PGM2: variants seen among roughly 807,000 people sequenced by gnomAD.
The protein encoded by PGM2 is phosphoglucomutase 2, also known as phosphopentomutase.
Under a neutral mutation model 74.6 loss-of-function variants are expected in PGM2, and 57 were observed. The observed-to-expected ratio is 0.76, with a 90% CI of 0.62 to 0.95. The LOEUF is 0.95. PGM2 is among the 40% of genes least tolerant of loss of function. The probability of loss-of-function intolerance (pLI) is 0.00; values close to 1 mark genes in which losing one functional copy is unlikely to be tolerated. For missense variants in PGM2, 706 were observed against 741.9 expected (o/e 0.95, Z 0.56); for synonymous variants, 273 against 260.7 (o/e 1.05, Z -0.46).
intron 8 of PGM2, among the ~76,000 whole-genome samples, chr4:37,846,180 T>G (rs1414774812): frequency 6.6e-6 from 1 of 152,062 alleles, no homozygotes; most frequent in Non-Finnish European, 1.5e-5. Flanking sequence ...CGGCACAGTG[T>G]TTAAGACAAG....
At chr4:37,855,094 AC>A (rs1726157822) in intron 12 of PGM2, among the ~76,000 whole-genome samples, 1 of 152,178 alleles carries the variant, frequency 6.6e-6, no homozygotes, top group Non-Finnish European at 1.5e-5. Flanking sequence ...ATCATTATTA[AC>A]TATAGTCACC....
chr4:37,840,777 C>G (rs528964721), intron 6 of PGM2, among the ~76,000 whole-genome samples: 39 of 152,220 alleles, frequency 2.6e-4, no homozygotes, highest in African/African-American at 8.9e-4. Context: ...GAGGTCCACA[C>G]AGACTCTTTC....
intron 13 of PGM2, 75 bp from the exon 14 acceptor site, chr4:37,861,435 G>T: frequency 2.2e-6 from 2 of 912,936 alleles, no homozygotes; most frequent in South Asian, 1.4e-5. Context: ...TTGTCACTTG[G>T]TCAATGGGGG....
At chr4:37,861,425 T>C (rs574322114) in intron 13 of PGM2, 85 bp from the exon 14 acceptor site, 7 of 240,208 alleles carry the variant, frequency 2.9e-5, no homozygotes, top group East Asian at 2.8e-4. Flanking sequence ...TATATTTTCA[T>C]TGTCACTTGG....
chr4:37,827,593 C>G (rs1186471852), intron 1 of PGM2, among the ~76,000 whole-genome samples: 1 of 152,086 alleles, frequency 6.6e-6, no homozygotes, highest in African/African-American at 2.4e-5. Context: ...ATGTGGCTTA[C>G]GTAGAGAGTC....
At chr4:37,834,350 A>C (rs1439523192) in intron 2 of PGM2, among the ~76,000 whole-genome samples, 1 of 152,250 alleles carries the variant, frequency 6.6e-6, no homozygotes, top group East Asian at 1.9e-4. Flanking sequence ...AAAAAAAAAA[A>C]AATTTCCTAA....
intron 9 of PGM2, 25 bp from the exon 10 acceptor site, chr4:37,847,176 CT>C: frequency 6.2e-7 from 1 of 1,604,274 alleles, no homozygotes; most frequent in Admixed American, 1.7e-5. Flanking sequence ...TAAGGCATGT[CT>C]TTCTCTTTTG....
Position 37,847,296 on chromosome 4 carries a change from G to A in PGM2, c.1282+1G>A. The A allele has an allele frequency of 6.3e-7, 1 of 1,599,804 alleles. No homozygotes were observed. The highest frequency in any genetic ancestry group is 8.6e-7 in the Non-Finnish European group (1 of 1,167,118). ...TTATTTGCATTTGAAGAAGCTATTG[G>A]TAAGAAGTGATCATGAACATTAAGG... On this transcript the variant is annotated splice_donor_variant, in intron 10 of 13. Coordinates refer to ENST00000381967, the MANE Select transcript of PGM2 (RefSeq NM_018290.4). LOFTEE classifies it high-confidence loss of function.
chr4:37,836,967 G>C (rs1013020111), intron 3 of PGM2, among the ~76,000 whole-genome samples: 2 of 152,074 alleles, frequency 1.3e-5, no homozygotes, highest in African/African-American at 2.4e-5. Context: ...GTGTACGCTG[G>C]ATTGTGATAG....
chr4:37,841,540 G>A (rs2714560), intron 6 of PGM2, among the ~76,000 whole-genome samples: 123,428 of 152,126 alleles, frequency 0.81, 50,391 homozygotes, highest in African/African-American at 0.9. Flanking sequence ...GGGAGCAGCC[G>A]TGCCAGCTGA....
chr4:37,851,113 TC>T (rs1345592391), intron 12 of PGM2, among the ~76,000 whole-genome samples: 7 of 152,084 alleles, frequency 4.6e-5, no homozygotes, highest in African/African-American at 1.7e-4. Flanking sequence ...TTGGTGGTGG[TC>T]CAGGGAGAAT....
At chr4:37,830,275 A>G in intron 2 of PGM2, 144 bp downstream of exon 2, 1 of 547,280 alleles carries the variant, frequency 1.8e-6, no homozygotes, top group East Asian at 3.1e-5. Context: ...TCCATAAAGT[A>G]AGGCTTGCAC....
At chr4:37,850,990 C>A (rs376297969) in intron 12 of PGM2, among the ~76,000 whole-genome samples, 179 of 107,302 alleles carry the variant, frequency 1.7e-3, no homozygotes, top group Non-Finnish European at 1.8e-3. Flanking sequence ...GACTTCATCT[C>A]AAAAAAAAAA....
At chr4:37,836,543 CAG>C (rs1336836919) in intron 3 of PGM2, among the ~76,000 whole-genome samples, 16 of 152,078 alleles carry the variant, frequency 1.1e-4, no homozygotes, top group Non-Finnish European at 1.5e-5. Context: ...ACATTTGTAA[CAG>C]AGAGAGAGAG....
chr4:37,826,873 A>G, intron 1 of PGM2, 60 bp downstream of exon 1: 1 of 1,080,614 alleles, frequency 9.3e-7, no homozygotes, highest in Non-Finnish European at 1.4e-6. Flanking sequence ...TGCCCTCTCC[A>G]GGCGCGGCGC....
At chr4:37,838,266 C>T (rs1253610602) in intron 4 of PGM2, among the ~76,000 whole-genome samples, 1 of 152,202 alleles carries the variant, frequency 6.6e-6, no homozygotes, top group Non-Finnish European at 1.5e-5. Context: ...CTGAATTCAC[C>T]TCAAACCCTG....
chr4:37,826,728 C>T lies in PGM2; in HGVS notation c.-5C>T, dbSNP rs1352598480. On this transcript the variant is annotated 5_prime_UTR_variant, in exon 1 of 14. Transcript: ENST00000381967. ...TCCCTCTGCAGCGGTAGCACAAGCT[C>T]AGCGATGGCGGCTCCAGAAGGCAGC... 1.3e-6 allele frequency: 2 copies of T among 1,549,380 alleles called. No homozygotes were observed. Among genetic ancestry groups the T allele is most frequent in the South Asian group, 1.2e-5 (1 of 84,042 alleles).
In PGM2 at chr4:37,829,870, A is replaced by T. The variant is rs202209738; in HGVS notation, c.82-94A>T. ...TACATATATATATATACATATATAT[A>T]TATTTTCTATAGATTAGAATGATTG... On this transcript the variant is annotated intron_variant, in intron 1 of 13. Transcript: ENST00000381967. 6 of 445,046 alleles carry T rather than the reference A, an allele frequency of 1.3e-5. No homozygotes were observed. The highest frequency in any genetic ancestry group is 6.0e-5 in the African/African-American group (3 of 49,620). 27.6% of individuals were successfully genotyped at this position (445,046 alleles called of 1,614,324 possible). A position where few individuals can be genotyped will look rare whatever the true frequency, so the allele number is the denominator to read the frequency against.
chr4:37,835,486 GGGCT>G (rs1255391076), intron 3 of PGM2, among the ~76,000 whole-genome samples: 2 of 152,040 alleles, frequency 1.3e-5, no homozygotes, highest in Non-Finnish European at 2.9e-5. Flanking sequence ...CTTACAAAAT[GGGCT>G]GTAGTTACCA....
Sources: allele counts gnomAD v4.1 joint callset (sites outside exome capture counted in the v4.1 genomes callset), GRCh38; gene constraint gnomAD v4.1.1; transcripts MANE v1.5; gene names NCBI Gene and HGNC (gene_info 2026-07-23, HGNC 2026-07-21).